TMEM17: variants seen among roughly 807,000 people sequenced by gnomAD.
TMEM17 encodes transmembrane protein 17.
In TMEM17, 15 loss-of-function variants were observed where a neutral mutation model predicts 19.1. The observed-to-expected ratio is 0.78, with a 90% CI of 0.52 to 1.21. The LOEUF (loss-of-function observed/expected upper bound fraction) is 1.21, where lower values mean the gene tolerates loss of function less well. TMEM17 is among the 50% of genes most tolerant of loss of function. The pLI is 0.00. For missense variants in TMEM17, 245 were observed against 242.3 expected, an observed-to-expected ratio of 1.01 and a Z score of -0.07; for synonymous variants, 103 against 86.9, an observed-to-expected ratio of 1.19 and a Z score of -1.03.
chr2:62,487,077 A>G, the TMEM17 span, among the ~76,000 whole-genome samples: 1 of 152,228 alleles, frequency 6.6e-6, no homozygotes, highest in Non-Finnish European at 1.5e-5. Context: ...GTAACAAATT[A>G]CCACAAACTT....
the TMEM17 span, among the ~76,000 whole-genome samples, chr2:62,465,038 A>C: frequency 2.0e-5 from 3 of 152,198 alleles, no homozygotes; most frequent in Non-Finnish European, 4.4e-5. Context: ...CATAATTTCT[A>C]ATCTTTTGGC....
At chr2:62,458,409 C>T in the TMEM17 span, among the ~76,000 whole-genome samples, 1 of 152,206 alleles carries the variant, frequency 6.6e-6, no homozygotes, top group African/African-American at 2.4e-5. Context: ...GTTCATTCCA[C>T]GTGTAAGTGC....
the TMEM17 span, among the ~76,000 whole-genome samples, chr2:62,464,395 G>C: frequency 6.6e-6 from 1 of 152,236 alleles, no homozygotes; most frequent in East Asian, 1.9e-4. Flanking sequence ...TCATTCACTT[G>C]TGTGCTACCT....
the TMEM17 span, chr2:62,463,842 C>G: frequency 2.6e-5 from 4 of 152,262 alleles, no homozygotes; most frequent in Non-Finnish European, 4.4e-5. Context: ...ACTCCAGACT[C>G]AGCTGGCAGA....
At chr2:62,469,078 A>G in the TMEM17 span, among the ~76,000 whole-genome samples, 4,178 of 152,332 alleles carry the variant, frequency 0.027, 135 homozygotes, top group South Asian at 0.15. Flanking sequence ...GGAAATGTAC[A>G]AATGCATTTG....
intron 3 of TMEM17, 98 bp from the exon 4 acceptor site, chr2:62,501,585 T>G (rs2103729183): frequency 8.3e-7 from 1 of 1,209,904 alleles, no homozygotes; most frequent in East Asian, 2.5e-5. Context: ...ACCTACATTA[T>G]GGGCTCTGTG....
chr2:62,463,535 A>T, the TMEM17 span, among the ~76,000 whole-genome samples: 1 of 152,344 alleles, frequency 6.6e-6, no homozygotes, highest in East Asian at 1.9e-4. Context: ...AGTTATGAAA[A>T]GAAAAACAAT....
the TMEM17 span, among the ~76,000 whole-genome samples, chr2:62,485,918 C>T: frequency 6.6e-6 from 1 of 152,194 alleles, no homozygotes; most frequent in Non-Finnish European, 1.5e-5. Context: ...AGAAGATTTG[C>T]ACGGAATTGA....
chr2:62,502,711 T>A lies in TMEM17; in HGVS notation c.184A>T (p.Ile62Phe), dbSNP rs921917921. The A allele has an allele frequency of 1.9e-6, 3 of 1,608,432 alleles. No homozygotes were observed. In the African/African-American group the frequency reaches 4.0e-5, roughly 22 times the overall value. ...YYFPLWWVSS[I>F]MMLHMKYSIL... is the part of the protein sequence containing the mutation. The stretch of plus-strand genomic sequence containing the variant: ...TTTACCTTCATGTGAAGCATCATAA[T>A]GCTGCTCACCCACCACAGTGGGAAA... Residue 62 changes from isoleucine to phenylalanine, a missense_variant, in exon 2 of 4, where the codon ATT becomes TTT. Transcript: ENST00000335390.
At chr2:62,495,039 A>G in the TMEM17 span, among the ~76,000 whole-genome samples, 1 of 152,176 alleles carries the variant, frequency 6.6e-6, no homozygotes, top group East Asian at 1.9e-4. Flanking sequence ...TAAAAAGTCT[A>G]CCTTTTTAAT....
the TMEM17 span, among the ~76,000 whole-genome samples, chr2:62,462,094 C>T: frequency 6.6e-6 from 1 of 152,174 alleles, no homozygotes; most frequent in Non-Finnish European, 1.5e-5. Context: ...TCCTTGTGAA[C>T]AATTCTCTCC....
the TMEM17 span, among the ~76,000 whole-genome samples, chr2:62,475,921 C>T: frequency 6.6e-6 from 1 of 152,106 alleles, no homozygotes; most frequent in Non-Finnish European, 1.5e-5. Context: ...AGGCAGTTGG[C>T]AAATGTAAGA....
At chr2:62,473,661 T>C in the TMEM17 span, among the ~76,000 whole-genome samples, 1 of 152,158 alleles carries the variant, frequency 6.6e-6, no homozygotes, top group African/African-American at 2.4e-5. Flanking sequence ...TTACACATCA[T>C]GGTGAGCAGG....
At chr2:62,467,293 C>G in the TMEM17 span, among the ~76,000 whole-genome samples, 1 of 151,238 alleles carries the variant, frequency 6.6e-6, no homozygotes, top group Non-Finnish European at 1.5e-5. Flanking sequence ...CCAGGTGGTT[C>G]TCTTGTGCAG....
chr2:62,453,957 G>A, the TMEM17 span, among the ~76,000 whole-genome samples: 3 of 152,350 alleles, frequency 2.0e-5, no homozygotes, highest in Admixed American at 1.3e-4. Flanking sequence ...GTTAGGCAGG[G>A]TGGGTCCTGA....
At chr2:62,455,075 TC>T in the TMEM17 span, among the ~76,000 whole-genome samples, 125 of 152,326 alleles carry the variant, frequency 8.2e-4, 2 homozygotes, top group East Asian at 0.023. Context: ...ACCATCACAA[TC>T]CAACCTTAAA....
At chr2:62,465,635 G>C in the TMEM17 span, among the ~76,000 whole-genome samples, 1 of 151,678 alleles carries the variant, frequency 6.6e-6, no homozygotes, top group South Asian at 2.1e-4. Flanking sequence ...AGGAGTAAAA[G>C]AGATGACACA....
chr2:62,499,001 G>A (rs541378016), downstream of TMEM17, among the ~76,000 whole-genome samples: 3 of 152,010 alleles, frequency 2.0e-5, no homozygotes, highest in Admixed American at 1.3e-4. Context: ...GAAAATATTG[G>A]TTCAGCCTAA....
chr2:62,476,019 C>T, the TMEM17 span, among the ~76,000 whole-genome samples: 176 of 152,308 alleles, frequency 1.2e-3, no homozygotes, highest in African/African-American at 4.1e-3. Flanking sequence ...GGACCTACCA[C>T]GGTGTCAGAG....
Sources: gnomAD v4.1 joint callset for allele counts (sites outside exome capture counted in the v4.1 genomes callset) on GRCh38, gnomAD v4.1.1 for gene constraint, MANE v1.5 for transcripts, NCBI Gene and HGNC (gene_info 2026-07-23, HGNC 2026-07-21) for gene names.